Variants in TNRC18 observed in about 807,000 individuals in gnomAD.
The protein encoded by TNRC18 is trinucleotide repeat containing 18, also known as trinucleotide repeat-containing gene 18 protein.
Under a neutral mutation model 226.7 loss-of-function variants are expected in TNRC18, and 69 were observed. The ratio of observed to expected loss-of-function variants is 0.30; its 90% CI spans 0.25 to 0.37. TNRC18 has a LOEUF of 0.37. TNRC18 is among the 10% of genes least tolerant of loss of function. The pLI is 1.00. For synonymous variants in TNRC18, 2,449 were observed against 1,927.6 expected, an observed-to-expected ratio of 1.27 and a Z score of -7.09; for missense variants, 4,754 against 4,256.6, an observed-to-expected ratio of 1.12 and a Z score of -3.25.
chr7:5,406,234 G>T (rs949341757), intron 2 of TNRC18, among the ~76,000 whole-genome samples: 2 of 152,052 alleles, frequency 1.3e-5, no homozygotes, highest in African/African-American at 2.4e-5. Context: ...GGAGGCCGAC[G>T]GGCAAATCAT....
Position 5,388,877 on chromosome 7 carries a change from C to A in TNRC18, c.947G>T (p.Arg316Leu). Residue 316 changes from arginine to leucine, a missense_variant, in exon 5 of 30, where the codon CGG (arginine) becomes CTG (leucine). Arg to Leu is a moderately radical substitution (Grantham distance 102). Coordinates refer to ENST00000430969, the MANE Select transcript of TNRC18 (RefSeq NM_001080495.3). The part of the protein sequence containing the change: ...KEAARQDEGA[R>L]LLRRTETLLP... Reference sequence around the variant, plus strand: ...CAGGGTCTCCGTGCGCCGCAGCAGCCGCGCGCCCTCGTCCTGCCGGGCAGC... The same window carrying A: ...CAGGGTCTCCGTGCGCCGCAGCAGCAGCGCGCCCTCGTCCTGCCGGGCAGC... 4 of 1,323,740 alleles carry A rather than the reference C, an allele frequency of 3.0e-6. No individual in the cohort carries two copies. Among genetic ancestry groups the A allele is most frequent in the Non-Finnish European group, 3.9e-6 (4 of 1,033,660 alleles). The allele number at this position is 1,323,740 out of a possible 1,614,324, so 82.0% of individuals were successfully genotyped here.
At chr7:5,339,895 A>G (rs1790520686) in intron 18 of TNRC18, among the ~76,000 whole-genome samples, 2 of 145,294 alleles carry the variant, frequency 1.4e-5, no homozygotes, top group Admixed American at 1.4e-4. Context: ...AGCGAGGAAG[A>G]AAAAAAAAAA....
intron 9 of TNRC18, among the ~76,000 whole-genome samples, chr7:5,375,280 G>A (rs1476391598): frequency 1.3e-5 from 2 of 152,280 alleles, no homozygotes; most frequent in East Asian, 3.9e-4. Context: ...CTGCACTCCA[G>A]CCTGGGCGAC....
At chr7:5,352,375 T>A (rs1266979446) in intron 16 of TNRC18, among the ~76,000 whole-genome samples, 3 of 151,922 alleles carry the variant, frequency 2.0e-5, no homozygotes, top group Non-Finnish European at 2.9e-5. Context: ...CACCCACCAG[T>A]CACTCCAGGC....
rs779119335 is a variant in TNRC18 at position 5,387,917 on chromosome 7, C to T, written c.1907G>A (p.Arg636His). ...TGCAGGGCCTCCGGAGTGTGGGAGA[C>T]GGGCCTGGGCTCGGGAGGCACCCGC... ...TSAGASRAQA[R>H]LPHSGGPAAG... Residue 636 changes from arginine to histidine, a missense_variant, in exon 5 of 30, where the codon CGT (arginine) becomes CAT (histidine). By Grantham distance (29) the Arg-to-His change is conservative. Transcript: ENST00000430969. The T allele has an allele frequency of 5.6e-6, 9 of 1,593,382 alleles. No homozygotes were observed. In the Admixed American group the frequency reaches 7.0e-5, roughly 12 times the overall value.
chr7:5,370,304 C>T (rs1000940332), intron 11 of TNRC18, 71 bp downstream of exon 11: 4 of 1,472,882 alleles, frequency 2.7e-6, no homozygotes, highest in Non-Finnish European at 1.8e-6. Context: ...GCCTGGGCAA[C>T]ACAGCAAGAC....
chr7:5,378,959 G>C (rs1412524365), intron 5 of TNRC18, among the ~76,000 whole-genome samples: 1 of 151,512 alleles, frequency 6.6e-6, no homozygotes, highest in Non-Finnish European at 1.5e-5. Flanking sequence ...CCGGGTGGGG[G>C]GGGCGGGGCG....
In TNRC18 at chr7:5,388,733, C is replaced by A; in HGVS notation, c.1091G>T (p.Gly364Val). 7.9e-7 allele frequency: 1 copy of A among 1,258,616 alleles called. No individual in the cohort carries two copies. The highest frequency in any genetic ancestry group is 2.6e-4 in the Middle Eastern group (1 of 3,788). 78.0% of individuals were successfully genotyped at this position (1,258,616 alleles called of 1,614,324 possible). A position where few individuals can be genotyped will look rare whatever the true frequency, so the allele number is the denominator to read the frequency against. The change falls in exon 5 of 30, where the codon GGC becomes GTC. Residue 364 changes from glycine (G) to valine (V), a missense_variant. Coordinates refer to ENST00000430969, the MANE Select transcript of TNRC18 (RefSeq NM_001080495.3). Reference protein sequence around the residue: ...AGVYTVFREQGREHRVVAPTF... With the variant: ...AGVYTVFREQVREHRVVAPTF... ...GGGCGCCACCACGCGGTGCTCACGG[C>A]CCTGCTCGCGGAAGACGGTGTAGAC...
chr7:5,321,814 G>A (rs576063364), intron 21 of TNRC18, among the ~76,000 whole-genome samples: 5 of 151,814 alleles, frequency 3.3e-5, no homozygotes, highest in Non-Finnish European at 7.4e-5. Flanking sequence ...TGGAATTACA[G>A]GTGCCTGCCA....
rs756560230 is a variant in TNRC18 at position 5,377,890 on chromosome 7, C to A, written c.2255+32G>T. On this transcript the variant is annotated intron_variant, in intron 6 of 29. Transcript: ENST00000430969. This position sits in a 1 kb window ranked among gnomAD's most constrained non-coding sequence, Gnocchi z 5.8. The stretch of plus-strand genomic sequence containing the variant: ...CACCCCCAGGGGCTCCTAGATACCC[C>A]CTAGACCCTCAGGATCCCCCGACAC... 2 of 1,606,740 alleles carry A rather than the reference C, an allele frequency of 1.2e-6. No homozygotes were observed. Among genetic ancestry groups the A allele is most frequent in the Non-Finnish European group, 1.7e-6 (2 of 1,174,094 alleles).
At chr7:5,314,560 C>CTT (rs1787646158) in intron 26 of TNRC18, among the ~76,000 whole-genome samples, 1 of 111,350 alleles carries the variant, frequency 9.0e-6, no homozygotes, top group African/African-American at 3.3e-5. Context: ...GCAGAGTTCT[C>CTT]TTCTTTTTTT....
rs1348938767 is a variant in TNRC18, at chr7:5,313,044, G to A, written c.7847C>T (p.Ser2616Phe). 2.0e-6 allele frequency: 2 copies of A among 980,290 alleles called. No homozygotes were observed. Among genetic ancestry groups the A allele is most frequent in the Non-Finnish European group, 1.6e-6 (1 of 638,696 alleles). The allele number at this position is 980,290 out of a possible 1,614,324, so 60.7% of individuals were successfully genotyped here. Residue 2616 changes from serine (S) to phenylalanine (F), a missense_variant, in exon 27 of 30, where the codon TCC (serine) becomes TTC (phenylalanine). Transcript: ENST00000430969. ...SSRAASPASS[S>F]SSSSSSSSSS... The stretch of plus-strand genomic sequence containing the variant: ...GGAGGAGGAGGAGGATGAGGAGGAG[G>A]AGGAGGAGGCCGGTGAGGCCGCCCT...
chr7:5,368,570 A>G (rs1793856156), intron 11 of TNRC18, among the ~76,000 whole-genome samples: 1 of 149,576 alleles, frequency 6.7e-6, no homozygotes, highest in South Asian at 2.1e-4. Flanking sequence ...AGGCTGAGGC[A>G]GGAAAAATCG....
chr7:5,357,338 T>A, intron 15 of TNRC18, 62 bp from the exon 16 acceptor site: 1 of 1,512,684 alleles, frequency 6.6e-7, no homozygotes, highest in Non-Finnish European at 8.9e-7. Context: ...TGGGTTTCAG[T>A]GCACATGCTC....
chr7:5,332,869 T>C lies in TNRC18; in HGVS notation c.5900A>G (p.Lys1967Arg), dbSNP rs1345923265. The change falls in exon 19 of 30, where the codon AAG becomes AGG. Residue 1967 changes from lysine (K) to arginine (R), a missense_variant. Transcript: ENST00000430969. ...SPDKAKLAVE[K>R]GRKARKLRGP... is the part of the protein sequence containing the mutation. ...CCGCAGCTTCCGGGCCTTGCGCCCC[T>C]TCTCCACCGCCAGCTTGGCCTTGTC... The C allele has an allele frequency of 2.0e-6, 3 of 1,514,230 alleles. No individual in the cohort carries two copies. The highest frequency in any genetic ancestry group is 1.4e-5 in the African/African-American group (1 of 70,838). 93.8% of individuals were successfully genotyped at this position (1,514,230 alleles called of 1,614,324 possible).
Position 5,306,970 on chromosome 7 carries a change from T to C in TNRC18, c.*1136A>G, listed in dbSNP as rs1381430116. ...GTCTGGTTGAGGCCTTGGTTTCCCT[T>C]GAAGGCTTGGGGCCTGGTTAAGTGC... is the stretch of plus-strand genomic sequence containing the variant. On this transcript the variant is annotated 3_prime_UTR_variant, in exon 30 of 30. Transcript: ENST00000430969. 1 of 151,402 alleles carries C rather than the reference T, an allele frequency of 6.6e-6. No homozygotes were observed. The highest frequency in any genetic ancestry group is 1.5e-5 in the Non-Finnish European group (1 of 67,912). 9.4% of individuals were successfully genotyped at this position (151,402 alleles called of 1,614,324 possible).
At chr7:5,366,327 T>TTTTTC (rs1271283731) in intron 11 of TNRC18, among the ~76,000 whole-genome samples, 4 of 127,690 alleles carry the variant, frequency 3.1e-5, no homozygotes, top group African/African-American at 1.2e-4. Flanking sequence ...TCTTTTTTTT[T>TTTTTC]TTTTTTTTTT....
chr7:5,356,417 T>G (rs1179025782), intron 16 of TNRC18, among the ~76,000 whole-genome samples: 2 of 151,364 alleles, frequency 1.3e-5, no homozygotes, highest in Non-Finnish European at 2.9e-5. Flanking sequence ...CGGTGGGCGC[T>G]CCATAAACAC....
In TNRC18 at chr7:5,307,958, G is replaced by A. The variant is rs970126492; in HGVS notation, c.*148C>T. On this transcript the variant is annotated 3_prime_UTR_variant, in exon 30 of 30. Coordinates refer to ENST00000430969, the MANE Select transcript of TNRC18 (RefSeq NM_001080495.3). ...CACGTGCATGCACACACACTCACCC[G>A]GGCATCCACGTGCACACCTGGCCCC... The A allele has an allele frequency of 2.2e-5, 15 of 691,290 alleles. No homozygotes were observed. Among genetic ancestry groups the A allele is most frequent in the East Asian group, 1.1e-4 (4 of 36,712 alleles). The allele number at this position is 691,290 out of a possible 1,614,324, so 42.8% of individuals were successfully genotyped here.
Sources: gnomAD v4.1 joint callset for allele counts (sites outside exome capture counted in the v4.1 genomes callset) on GRCh38, gnomAD v4.1.1 for gene constraint, Gnocchi (gnomAD v3.1) non-coding constraint, MANE v1.5 for transcripts, NCBI Gene and HGNC (gene_info 2026-07-23, HGNC 2026-07-21) for gene names.